The following LAMB1 variants were observed in gnomAD, a reference collection of about 807,000 sequenced individuals.
LAMB1 encodes the protein laminin subunit beta 1.
In LAMB1, 121 loss-of-function variants were observed where a neutral mutation model predicts 222.3. The observed-to-expected ratio is 0.54, with a 90% CI of 0.47 to 0.63. The LOEUF is 0.63. Ranked by LOEUF, LAMB1 falls within the 30% of genes least tolerant of loss-of-function variation. LAMB1 has a pLI of 0.00. For missense variants in LAMB1, 2,172 were observed against 2,240.8 expected (o/e 0.97, Z 0.62); for synonymous variants, 794 against 807.2 (o/e 0.98, Z 0.28).
chr7:107,986,443 C>G (rs1303632129), intron 5 of LAMB1, 80 bp from the exon 6 acceptor site: 1 of 1,214,228 alleles, frequency 8.2e-7, no homozygotes. Context: ...AAAAATGTCA[C>G]TCAACTGCAT....
intron 5 of LAMB1, among the ~76,000 whole-genome samples, chr7:107,991,889 G>C (rs981887577): frequency 2.4e-5 from 3 of 127,364 alleles, no homozygotes; most frequent in Non-Finnish European, 3.1e-5. Flanking sequence ...GCCTGGGAGA[G>C]AGCGAGACTT....
intron 5 of LAMB1, among the ~76,000 whole-genome samples, chr7:107,993,592 AG>A (rs1738735761): frequency 6.6e-6 from 1 of 152,260 alleles, no homozygotes; most frequent in South Asian, 2.1e-4. Context: ...AGATGAACTC[AG>A]AACTATCCAT....
rs577890207 is a variant in LAMB1, at chr7:107,932,070, T to G, written c.4392+104A>C. ...CATATTTGATTGTGATATGCCCTTT[T>G]CATTTCAGTTAGCATTTAGAATTGA... On this transcript the variant is annotated intron_variant, in intron 28 of 33. Transcript: ENST00000222399. The G allele has an allele frequency of 7.8e-5, 82 of 1,046,360 alleles. 1 individual carries two copies. In the South Asian group the frequency reaches 1.0e-3, roughly 13 times the overall value. The allele number at this position is 1,046,360 out of a possible 1,614,324, so 64.8% of individuals were successfully genotyped here.
intron 24 of LAMB1, among the ~76,000 whole-genome samples, chr7:107,944,166 C>A (rs2033060116): frequency 6.6e-6 from 1 of 152,178 alleles, no homozygotes; most frequent in African/African-American, 2.4e-5. Flanking sequence ...TAGGTTTTTG[C>A]TGGATTCATG....
intron 14 of LAMB1, among the ~76,000 whole-genome samples, chr7:107,963,688 T>G (rs2033561859): frequency 6.6e-6 from 1 of 152,232 alleles, no homozygotes; most frequent in East Asian, 1.9e-4. Context: ...ATCCTTTCCA[T>G]GAATCCTTGT....
At chr7:107,981,182 C>T (rs1010578788) in intron 7 of LAMB1, among the ~76,000 whole-genome samples, 1 of 152,106 alleles carries the variant, frequency 6.6e-6, no homozygotes, top group Non-Finnish European at 1.5e-5. Context: ...CGCGGTGGCT[C>T]ACACCTGTAT....
Position 107,935,500 on chromosome 7 carries a change from T to C in LAMB1, c.4103A>G (p.Lys1368Arg). 6.2e-7 allele frequency: 1 copy of C among 1,614,020 alleles called. No homozygotes were observed. The change falls in exon 27 of 34, where the codon AAG becomes AGG. Residue 1368 changes from lysine (K) to arginine (R), a missense_variant. Physicochemically the swap from Lys to Arg is conservative, Grantham distance 26 (BLOSUM62 2). Coordinates refer to ENST00000222399, the MANE Select transcript of LAMB1 (RefSeq NM_002291.3). The part of the protein sequence containing the change: ...DVMMERESQF[K>R]EKQEEQARLL... ...GCGAGCCTGCTCCTCTTGTTTTTCC[T>C]TGAACTGGGATTCTCGCTCCATCAT...
Position 107,931,470 on chromosome 7 carries a change from C to T in LAMB1, c.4423G>A (p.Ala1475Thr), listed in dbSNP as rs145259999. Residue 1475 changes from alanine to threonine, a missense_variant, in exon 29 of 34, where the codon GCA (alanine) becomes ACA (threonine). Transcript: ENST00000222399. ...VSEAKLRADEAKQSAEDILLK... is the reference protein window; with the variant it reads ...VSEAKLRADETKQSAEDILLK... ...AGAATGTCTTCAGCACTTTGTTTTG[C>T]CTCATCTGCCCTCAGTTTTGCTTCA... 1.9e-6 allele frequency: 3 copies of T among 1,613,470 alleles called. No homozygotes were observed. Among genetic ancestry groups the T allele is most frequent in the South Asian group, 1.1e-5 (1 of 91,022 alleles).
intron 7 of LAMB1, among the ~76,000 whole-genome samples, chr7:107,981,441 TG>T (rs1454123618): frequency 2.8e-4 from 34 of 119,946 alleles, no homozygotes; most frequent in African/African-American, 1.0e-3. Flanking sequence ...AGAGCAAAAC[TG>T]TTTAAAAAAA....
At chr7:107,946,708 C>T (rs1011370908) in intron 24 of LAMB1, among the ~76,000 whole-genome samples, 4 of 152,160 alleles carry the variant, frequency 2.6e-5, no homozygotes, top group African/African-American at 4.8e-5. Context: ...TCTAAAGAAT[C>T]GAATGAAGTC....
intron 13 of LAMB1, among the ~76,000 whole-genome samples, chr7:107,965,677 G>T (rs1268821066): frequency 6.6e-6 from 1 of 152,176 alleles, no homozygotes; most frequent in Non-Finnish European, 1.5e-5. Flanking sequence ...AAGAGCTGTG[G>T]TTTGGAATTG....
At chr7:107,927,881 T>C (rs983668539) in intron 31 of LAMB1, among the ~76,000 whole-genome samples, 2 of 152,192 alleles carry the variant, frequency 1.3e-5, no homozygotes, top group Non-Finnish European at 2.9e-5. Flanking sequence ...TACCAACTAA[T>C]GGTAAGAAAA....
intron 13 of LAMB1, among the ~76,000 whole-genome samples, chr7:107,972,518 A>C (rs1370866293): frequency 6.6e-6 from 1 of 152,152 alleles, no homozygotes; most frequent in Non-Finnish European, 1.5e-5. Flanking sequence ...CATTTATTCA[A>C]GGAATACTAG....
intron 24 of LAMB1, among the ~76,000 whole-genome samples, chr7:107,940,936 C>A (rs2032967110): frequency 6.6e-6 from 1 of 152,204 alleles, no homozygotes; most frequent in Non-Finnish European, 1.5e-5. Context: ...ACAAAACATA[C>A]TTGATGAAAT....
chr7:107,939,507 A>G (rs988723392), intron 25 of LAMB1, among the ~76,000 whole-genome samples: 4 of 152,192 alleles, frequency 2.6e-5, no homozygotes, highest in African/African-American at 7.2e-5. Context: ...TACTTAATTT[A>G]TAATTTTCTG....
chr7:107,932,496 T>G, intron 27 of LAMB1, 119 bp from the exon 28 acceptor site: 1 of 875,544 alleles, frequency 1.1e-6, no homozygotes, highest in East Asian at 2.6e-5. Flanking sequence ...CAAGGGTGCT[T>G]GAAAACAGTG....
Position 107,961,246 on chromosome 7 carries a change from G to T in LAMB1, c.2069C>A (p.Ser690Tyr). The change falls in exon 17 of 34, where the codon TCT becomes TAT. Residue 690 changes from serine to tyrosine, a missense_variant. Transcript: ENST00000222399. The part of the protein sequence containing the change: ...VRLELPQYTS[S>Y]DSDVESPYTL... Reference sequence around the variant, plus strand: ...GTAGGGGCTCTCCACGTCGCTATCAGAGGAGGTGTACTGAGGCAGCTCCAA... The same window carrying T: ...GTAGGGGCTCTCCACGTCGCTATCATAGGAGGTGTACTGAGGCAGCTCCAA... The T allele has an allele frequency of 6.2e-7, 1 of 1,614,068 alleles. No homozygotes were observed.
intron 22 of LAMB1, among the ~76,000 whole-genome samples, chr7:107,953,190 C>T (rs1442075117): frequency 6.6e-6 from 1 of 152,096 alleles, no homozygotes; most frequent in Non-Finnish European, 1.5e-5. Flanking sequence ...AACCCCGTCT[C>T]TATTAAAAAT....
intron 3 of LAMB1, among the ~76,000 whole-genome samples, chr7:108,000,542 T>C (rs538755770): frequency 4.9e-4 from 74 of 152,318 alleles, no homozygotes; most frequent in Non-Finnish European, 8.1e-4. Context: ...AATATCAGCC[T>C]TTATTTAAAA....
Sources: gnomAD v4.1 joint callset for allele counts (sites outside exome capture counted in the v4.1 genomes callset) on GRCh38, gnomAD v4.1.1 for gene constraint, MANE v1.5 for transcripts, NCBI Gene and HGNC (gene_info 2026-07-23, HGNC 2026-07-21) for gene names.